PDK1: variants seen among roughly 807,000 people sequenced by gnomAD.
PDK1 encodes [Pyruvate dehydrogenase (acetyl-transferring)] kinase isozyme 1, mitochondrial.
In PDK1, 39 loss-of-function variants were observed where a neutral mutation model predicts 54.2. That is an observed-to-expected ratio of 0.72 (90% CI 0.56 to 0.94). The LOEUF is 0.94. Among genes scored for constraint, PDK1 ranks in the 40% least tolerant of loss-of-function variants. The probability of loss-of-function intolerance (pLI) is 0.00; values close to 1 mark genes in which losing one functional copy is unlikely to be tolerated. For synonymous variants in PDK1, 221 were observed against 207.1 expected (o/e 1.07, Z -0.58); for missense variants, 552 against 566.0 (o/e 0.98, Z 0.25).
Position 172,605,116 on chromosome 2 carries a change from A to G in PDK1, c.*9147A>G, listed in dbSNP as rs1454454309. Reference sequence around the variant, plus strand: ...GGCCCATTTAGTTAGTGACACACCTATATTACTCTCCTTGGCATCTTACCC... The same window carrying G: ...GGCCCATTTAGTTAGTGACACACCTGTATTACTCTCCTTGGCATCTTACCC... On this transcript the variant is annotated 3_prime_UTR_variant, in exon 11 of 11. Coordinates refer to ENST00000282077, the MANE Select transcript of PDK1 (RefSeq NM_002610.5). The G allele has an allele frequency of 6.6e-6, 1 of 152,192 alleles. No homozygotes were observed. The highest frequency in any genetic ancestry group is 2.4e-5 in the African/African-American group (1 of 41,450). The allele number at this position is 152,192 out of a possible 1,614,324, so 9.4% of individuals were successfully genotyped here.
chr2:172,609,241 T>A (rs148630601), downstream of PDK1, among the ~76,000 whole-genome samples: 203 of 152,256 alleles, frequency 1.3e-3, 4 homozygotes, highest in African/African-American at 4.6e-3. Flanking sequence ...TAAGTGGAAA[T>A]TGGGCACATT....
At position 172,565,081 on chromosome 2, in the gene PDK1, C is replaced by T; in HGVS notation, c.691+8C>T. On this transcript the variant is annotated splice_region_variant and intron_variant, in intron 5 of 10. Coordinates refer to ENST00000282077, the MANE Select transcript of PDK1 (RefSeq NM_002610.5). The stretch of plus-strand genomic sequence containing the variant: ...TACTTGAAGTTATTAAAGGTAAATA[C>T]TGACATTTCTCCTTGCAAAAAAAGA... 1.4e-6 allele frequency: 2 copies of T among 1,460,638 alleles called. No individual in the cohort carries two copies. The highest frequency in any genetic ancestry group is 1.9e-6 in the Non-Finnish European group (2 of 1,044,172). 90.5% of individuals were successfully genotyped at this position (1,460,638 alleles called of 1,614,324 possible). A position where few individuals can be genotyped will look rare whatever the true frequency, so the allele number is the denominator to read the frequency against.
chr2:172,639,902 G>A, the PDK1 span, among the ~76,000 whole-genome samples: 1 of 152,194 alleles, frequency 6.6e-6, no homozygotes, highest in African/African-American at 2.4e-5. Context: ...GGCTTTAGGG[G>A]AGACATGTAA....
At chr2:172,649,955 A>G in the PDK1 span, among the ~76,000 whole-genome samples, 3 of 152,214 alleles carry the variant, frequency 2.0e-5, no homozygotes, top group Non-Finnish European at 4.4e-5. Context: ...CTAGTGAGGC[A>G]GGCCAACATT....
chr2:172,562,928 T>G (rs1024164341), intron 3 of PDK1: 1 of 759,858 alleles, frequency 1.3e-6, no homozygotes, highest in Admixed American at 3.2e-5. Flanking sequence ...TTGTCCTCAG[T>G]TAGTTACACA....
At chr2:172,714,240 A>C in the PDK1 span, among the ~76,000 whole-genome samples, 1 of 152,332 alleles carries the variant, frequency 6.6e-6, no homozygotes, top group African/African-American at 2.4e-5. Context: ...CTTTTTAACA[A>C]AAACCTATGA....
At chr2:172,585,329 T>A (rs151219007) in intron 8 of PDK1, among the ~76,000 whole-genome samples, 2 of 114,196 alleles carry the variant, frequency 1.8e-5, no homozygotes, top group Non-Finnish European at 4.0e-5. Flanking sequence ...TTTTTTTTTT[T>A]TTTTTTTTTT....
At chr2:172,719,834 G>A in the PDK1 span, among the ~76,000 whole-genome samples, 3 of 152,242 alleles carry the variant, frequency 2.0e-5, no homozygotes, top group African/African-American at 7.2e-5. Context: ...TTGTGTGATA[G>A]TTCCAGCATC....
chr2:172,722,847 G>T, the PDK1 span, among the ~76,000 whole-genome samples: 18 of 152,096 alleles, frequency 1.2e-4, no homozygotes, highest in South Asian at 3.7e-3. Context: ...ATATAAGTTG[G>T]TATGATTTAT....
At chr2:172,616,532 G>A in the PDK1 span, among the ~76,000 whole-genome samples, 2 of 152,134 alleles carry the variant, frequency 1.3e-5, no homozygotes, top group Non-Finnish European at 2.9e-5. Flanking sequence ...TTTTTGAAAG[G>A]TGAGGGGATG....
chr2:172,697,917 TG>T, the PDK1 span, among the ~76,000 whole-genome samples: 1 of 152,164 alleles, frequency 6.6e-6, no homozygotes, highest in Non-Finnish European at 1.5e-5. Flanking sequence ...TTTAAAATGG[TG>T]TCCATAGGGA....
the PDK1 span, among the ~76,000 whole-genome samples, chr2:172,637,085 T>A: frequency 1.6e-4 from 25 of 152,258 alleles, no homozygotes; most frequent in Non-Finnish European, 2.5e-4. Flanking sequence ...ATAACACTTA[T>A]GAGAAAGAAG....
At chr2:172,719,013 G>C in the PDK1 span, among the ~76,000 whole-genome samples, 3 of 152,064 alleles carry the variant, frequency 2.0e-5, no homozygotes, top group African/African-American at 7.2e-5. Flanking sequence ...AGCAAGCTCT[G>C]ATCTATTTAC....
the PDK1 span, chr2:172,674,747 C>G: frequency 6.6e-6 from 1 of 152,200 alleles, no homozygotes; most frequent in Non-Finnish European, 1.5e-5. Context: ...CGCCCTTGTC[C>G]CGTCTGAACG....
At chr2:172,679,283 A>AT in the PDK1 span, among the ~76,000 whole-genome samples, 8 of 151,606 alleles carry the variant, frequency 5.3e-5, no homozygotes, top group Non-Finnish European at 1.0e-4. Flanking sequence ...CTGTCTCTAA[A>AT]TTTTTTTTTA....
At chr2:172,594,518 T>C (rs1170528381) in intron 10 of PDK1, among the ~76,000 whole-genome samples, 1 of 152,222 alleles carries the variant, frequency 6.6e-6, no homozygotes, top group Non-Finnish European at 1.5e-5. Context: ...TTTACAAATG[T>C]GTTGAGCTTC....
chr2:172,572,060 C>T (rs187072970), intron 8 of PDK1, among the ~76,000 whole-genome samples: 58 of 152,042 alleles, frequency 3.8e-4, no homozygotes, highest in Non-Finnish European at 7.4e-4. Context: ...TCGAACTCGA[C>T]CTCGTGTTAT....
chr2:172,633,761 G>C, the PDK1 span, among the ~76,000 whole-genome samples: 1 of 148,722 alleles, frequency 6.7e-6, no homozygotes, highest in Non-Finnish European at 1.5e-5. Flanking sequence ...AAATTATTAT[G>C]ACCAATGAAA....
the PDK1 span, among the ~76,000 whole-genome samples, chr2:172,705,679 T>C: frequency 1.3e-5 from 2 of 152,360 alleles, no homozygotes; most frequent in Non-Finnish European, 2.9e-5. Flanking sequence ...TCATGCTTAA[T>C]AAGAAATATT....
Sources: allele counts gnomAD v4.1 joint callset (sites outside exome capture counted in the v4.1 genomes callset), GRCh38; gene constraint gnomAD v4.1.1; transcripts MANE v1.5; gene names NCBI Gene and HGNC (gene_info 2026-07-23, HGNC 2026-07-21).